The following CD83 variants were observed in gnomAD, a reference collection of about 807,000 sequenced individuals.
CD83 encodes the protein CD83 molecule.
In CD83, 22 loss-of-function variants were observed where a neutral mutation model predicts 24.6. That is an observed-to-expected ratio of 0.90 (90% CI 0.64 to 1.28). CD83 has a LOEUF of 1.28. Among genes scored for constraint, CD83 ranks in the 50% most tolerant of loss-of-function variants. The pLI is 0.00. For missense variants in CD83, 253 were observed against 252.8 expected (o/e 1.00, Z -0.01); for synonymous variants, 101 against 103.5 (o/e 0.98, Z 0.14).
At chr6:14,126,345 T>C (rs1375352981) in intron 2 of CD83, among the ~76,000 whole-genome samples, 1 of 152,222 alleles carries the variant, frequency 6.6e-6, no homozygotes, top group Non-Finnish European at 1.5e-5. Context: ...GATATGATGC[T>C]TAGGGTCTGT....
At chr6:14,119,645 TG>T (rs1759626240) in intron 2 of CD83, among the ~76,000 whole-genome samples, 1 of 152,238 alleles carries the variant, frequency 6.6e-6, no homozygotes, top group Non-Finnish European at 1.5e-5. Flanking sequence ...AGGTCTATCT[TG>T]ATCTCTGTTT....
chr6:14,122,229 A>G (rs993897881), intron 2 of CD83, among the ~76,000 whole-genome samples: 5 of 152,182 alleles, frequency 3.3e-5, no homozygotes, highest in Non-Finnish European at 7.3e-5. Flanking sequence ...TCTGCTTCTG[A>G]CATTAACACT....
chr6:14,117,710 G>T (rs762281244), upstream of CD83: 7 of 831,766 alleles, frequency 8.4e-6, no homozygotes, highest in Admixed American at 4.2e-5. The surrounding 1 kb of genome is among the most constrained non-coding windows in gnomAD (Gnocchi z 4.6). Context: ...AATCCCCCGG[G>T]CTGGCGCGCA....
rs1002104112 is a variant in CD83, at chr6:14,136,389, C to G, written c.*1153C>G. Reference sequence around the variant, plus strand: ...AATTCTTTTGGGGAAGTGAGGAAGCCAGGTCCACGGTCTGTTCTTGAAGCA... The same window carrying G: ...AATTCTTTTGGGGAAGTGAGGAAGCGAGGTCCACGGTCTGTTCTTGAAGCA... On this transcript the variant is annotated 3_prime_UTR_variant, in exon 5 of 5. Coordinates refer to ENST00000379153, the MANE Select transcript of CD83 (RefSeq NM_004233.4). 4 of 152,158 alleles carry G rather than the reference C, an allele frequency of 2.6e-5. No homozygotes were observed. Among genetic ancestry groups the G allele is most frequent in the Non-Finnish European group, 2.9e-5 (2 of 68,046 alleles). 9.4% of individuals were successfully genotyped at this position (152,158 alleles called of 1,614,324 possible).
chr6:14,118,382 C>G (rs545846338), intron 2 of CD83, among the ~76,000 whole-genome samples: 1 of 152,244 alleles, frequency 6.6e-6, no homozygotes, highest in South Asian at 2.1e-4. Context: ...TGGAGGCCAC[C>G]TGTGGTTGTG....
At chr6:14,123,626 G>T (rs1759723005) in intron 2 of CD83, among the ~76,000 whole-genome samples, 1 of 151,778 alleles carries the variant, frequency 6.6e-6, no homozygotes, top group Non-Finnish European at 1.5e-5. Context: ...TATAGAAGAA[G>T]TCTCATCTAG....
At chr6:14,134,198 G>A (rs1012495184) in intron 4 of CD83, among the ~76,000 whole-genome samples, 10 of 152,344 alleles carry the variant, frequency 6.6e-5, no homozygotes, top group South Asian at 2.1e-4. Flanking sequence ...ACTATTTCTC[G>A]TGGGGGTTCT....
At chr6:14,119,950 CT>C (rs1480618449) in intron 2 of CD83, among the ~76,000 whole-genome samples, 2 of 152,206 alleles carry the variant, frequency 1.3e-5, no homozygotes, top group African/African-American at 2.4e-5. Flanking sequence ...TGGACTTCTC[CT>C]TGGATGTCAG....
chr6:14,120,100 A>G (rs906314711), intron 2 of CD83, among the ~76,000 whole-genome samples: 4 of 152,234 alleles, frequency 2.6e-5, no homozygotes, highest in Non-Finnish European at 5.9e-5. Flanking sequence ...CTGTTGATCC[A>G]TGGAATAGTG....
chr6:14,121,979 G>A (rs1342517680), intron 2 of CD83, among the ~76,000 whole-genome samples: 1 of 152,122 alleles, frequency 6.6e-6, no homozygotes, highest in African/African-American at 2.4e-5. Context: ...CATGCTAGGA[G>A]CCCTGACAGC....
Position 14,135,289 on chromosome 6 carries a change from G to C in CD83, c.*53G>C, listed in dbSNP as rs547174194. ...GAAGCTGAGGCTCAGGGGTGTGCCT[G>C]TCTGTTACACTGGAGGAGAGAAGAA... On this transcript the variant is annotated 3_prime_UTR_variant, in exon 5 of 5. Transcript: ENST00000379153. 2.5e-6 allele frequency: 4 copies of C among 1,583,940 alleles called. No individual in the cohort carries two copies. The highest frequency in any genetic ancestry group is 2.7e-5 in the African/African-American group (2 of 73,802).
rs1272242791 is a variant in CD83, at chr6:14,136,894, G to A, written c.*1658G>A. The A allele has an allele frequency of 6.6e-6, 1 of 151,888 alleles. No homozygotes were observed. The highest frequency in any genetic ancestry group is 1.5e-5 in the Non-Finnish European group (1 of 67,998). 9.4% of individuals were successfully genotyped at this position (151,888 alleles called of 1,614,324 possible). On this transcript the variant is annotated 3_prime_UTR_variant, in exon 5 of 5. Transcript: ENST00000379153. ...ATACAAATAAAAAAATCCCGACTTT[G>A]GGATGAGTGCTAGGATGTTGTAAAC...
At position 14,135,572 on chromosome 6, in the gene CD83, C is replaced by T. The variant is rs367694662; in HGVS notation, c.*336C>T. ...AAAAGGGTCTTGGGAAATATGAATG[C>T]CCCCAGCTGGCCCGTGACAGACTCC... On this transcript the variant is annotated 3_prime_UTR_variant, in exon 5 of 5. Transcript: ENST00000379153. The T allele has an allele frequency of 4.1e-5, 9 of 219,182 alleles. No individual in the cohort carries two copies. In the East Asian group the frequency reaches 7.9e-4, roughly 19 times the overall value. 13.6% of individuals were successfully genotyped at this position (219,182 alleles called of 1,614,324 possible). A position where few individuals can be genotyped will look rare whatever the true frequency, so the allele number is the denominator to read the frequency against.
chr6:14,130,733 A>G (rs531787733), intron 2 of CD83, among the ~76,000 whole-genome samples: 42 of 152,262 alleles, frequency 2.8e-4, no homozygotes, highest in Non-Finnish European at 4.9e-4. Flanking sequence ...ACCCTGTCTC[A>G]AAAAAGAAAA....
intron 2 of CD83, among the ~76,000 whole-genome samples, chr6:14,122,187 C>G (rs1283042963): frequency 6.6e-6 from 1 of 152,168 alleles, no homozygotes; most frequent in Non-Finnish European, 1.5e-5. Flanking sequence ...AGAGCCCCAG[C>G]TGGGGCAGAT....
intron 2 of CD83, among the ~76,000 whole-genome samples, chr6:14,121,329 C>G (rs1299885651): frequency 2.0e-5 from 3 of 151,752 alleles, no homozygotes; most frequent in African/African-American, 7.3e-5. Flanking sequence ...ACCACCACAC[C>G]TGGCTAATTT....
At chr6:14,119,013 A>T in intron 2 of CD83, among the ~76,000 whole-genome samples, 1 of 152,344 alleles carries the variant, frequency 6.6e-6, no homozygotes, top group South Asian at 2.1e-4. Context: ...TCTGCCCACC[A>T]TAAAAGATAC....
intron 2 of CD83, among the ~76,000 whole-genome samples, chr6:14,127,915 C>T (rs1267037905): frequency 6.6e-6 from 1 of 152,172 alleles, no homozygotes; most frequent in Non-Finnish European, 1.5e-5. Context: ...TGTGCTTTAG[C>T]GCACTGTACT....
intron 2 of CD83, among the ~76,000 whole-genome samples, chr6:14,130,898 G>A (rs900858937): frequency 6.6e-6 from 1 of 152,184 alleles, no homozygotes; most frequent in South Asian, 2.1e-4. Flanking sequence ...TCTCTATAAA[G>A]CATGCTTCTC....
Sources: allele counts gnomAD v4.1 joint callset (sites outside exome capture counted in the v4.1 genomes callset), GRCh38; gene constraint gnomAD v4.1.1; non-coding constraint Gnocchi (gnomAD v3.1); transcripts MANE v1.5; gene names NCBI Gene and HGNC (gene_info 2026-07-23, HGNC 2026-07-21).